The following WDPCP variants were observed in gnomAD, a reference collection of about 807,000 sequenced individuals.
The protein encoded by WDPCP is WD repeat-containing and planar cell polarity effector protein fritz homolog.
WDPCP carries 71 observed loss-of-function variants against 93.1 expected under a neutral mutation model. The ratio of observed to expected loss-of-function variants is 0.76; its 90% CI spans 0.63 to 0.93. The LOEUF (loss-of-function observed/expected upper bound fraction) is 0.93, where lower values mean the gene tolerates loss of function less well. Among genes scored for constraint, WDPCP ranks in the 40% least tolerant of loss-of-function variants. The pLI, the probability that WDPCP is intolerant of heterozygous loss-of-function variation, is 0.00. For synonymous variants in WDPCP, 315 were observed against 315.0 expected (o/e 1.00, Z 0.00); for missense variants, 844 against 887.4 (o/e 0.95, Z 0.62).
rs189978695 is a variant in WDPCP at position 63,552,750 on chromosome 2, A to G, written c.75+35447T>C. ...AAAAAAGCTATAAATCACTTAATAC[A>G]GAGAAATCATTAGGGACCAGCAGTG... On this transcript the variant is annotated intron_variant, in intron 1 of 17. Coordinates refer to ENST00000272321, the MANE Select transcript of WDPCP (RefSeq NM_015910.7). Among the ~76,000 whole-genome samples, 775 of 152,390 alleles carry G rather than the reference A, an allele frequency of 5.1e-3. 5 individuals carry two copies. Among genetic ancestry groups the G allele is most frequent in the African/African-American group, 6.8e-3 (284 of 41,596 alleles).
chr2:63,680,710 G>A (rs1034155803), intron 2 of WDPCP, among the ~76,000 whole-genome samples: 1 of 152,176 alleles, frequency 6.6e-6, no homozygotes, highest in Non-Finnish European at 1.5e-5. Context: ...ACCAGCTGGG[G>A]TGGCTAAAAA....
chr2:63,510,351 T>C (rs1189747199), intron 1 of WDPCP, among the ~76,000 whole-genome samples: 1 of 152,190 alleles, frequency 6.6e-6, no homozygotes, highest in African/African-American at 2.4e-5. Context: ...TCTCAATAGA[T>C]GCAGAAAAGG....
intron 10 of WDPCP, among the ~76,000 whole-genome samples, chr2:63,388,803 T>C (rs537941879): frequency 2.6e-5 from 4 of 152,144 alleles, no homozygotes; most frequent in African/African-American, 4.8e-5. Flanking sequence ...GTATTGGTGA[T>C]TGAAGATTAA....
At chr2:63,691,303 G>T (rs1278544315) in intron 2 of WDPCP, among the ~76,000 whole-genome samples, 1 of 152,178 alleles carries the variant, frequency 6.6e-6, no homozygotes, top group African/African-American at 2.4e-5. Context: ...ATATAAGGAC[G>T]CCTCCCCTGA....
chr2:63,721,982 C>T (rs1300459121), intron 2 of WDPCP, among the ~76,000 whole-genome samples: 2 of 151,938 alleles, frequency 1.3e-5, no homozygotes, highest in Admixed American at 6.5e-5. Context: ...CCACCAGCCT[C>T]GGCCTCCCGA....
rs937664946 is a variant in WDPCP, at chr2:63,120,435, C to A, written c.*1571G>T. On this transcript the variant is annotated 3_prime_UTR_variant, in exon 18 of 18. Coordinates refer to ENST00000272321, the MANE Select transcript of WDPCP (RefSeq NM_015910.7). ...AATTTGAAGTATAAAAGCCTTCAGT[C>A]TGATTAACTTTGAACTCTAAGATTT... Among the ~76,000 whole-genome samples, 2 of 151,054 alleles carry A rather than the reference C, an allele frequency of 1.3e-5. No homozygotes were observed. Among genetic ancestry groups the A allele is most frequent in the Non-Finnish European group, 2.9e-5 (2 of 67,912 alleles).
chr2:63,514,384 T>C (rs1359392734), intron 1 of WDPCP, among the ~76,000 whole-genome samples: 2 of 152,192 alleles, frequency 1.3e-5, no homozygotes, highest in African/African-American at 4.8e-5. Context: ...CTTTAATGTC[T>C]TGGTGAGCAT....
chr2:63,771,241 T>G (rs1670221915), intron 2 of WDPCP, among the ~76,000 whole-genome samples: 1 of 151,664 alleles, frequency 6.6e-6, no homozygotes, highest in South Asian at 2.1e-4. Flanking sequence ...TCAATGGACA[T>G]TAAAAAATAA....
At chr2:63,831,708 A>G (rs1333367037), upstream of WDPCP, among the ~76,000 whole-genome samples, 1 of 152,168 alleles carries the variant, frequency 6.6e-6, no homozygotes, top group Middle Eastern at 3.2e-3. Flanking sequence ...TATAGTGAAT[A>G]TCAAAAGCAA....
chr2:63,751,864 T>C (rs1669888476), intron 2 of WDPCP: 2 of 678,886 alleles, frequency 2.9e-6, no homozygotes, highest in Admixed American at 3.6e-5. Context: ...GCCAAAAGCA[T>C]TGTAGCTTCC....
chr2:63,122,011 C>T lies in WDPCP; in HGVS notation c.2236G>A (p.Val746Met). The stretch of plus-strand genomic sequence containing the variant: ...TTTTCTTTTTTTCTTAATGTTTACA[C>T]CAGACCAAAGTGAATCATTTTGAGA... Reference protein sequence around the residue: ...GSLKMIHFGLV With the variant: ...GSLKMIHFGLM Residue 746 changes from valine (V) to methionine (M), a missense_variant, in exon 18 of 18, where the codon GTG becomes ATG. Coordinates refer to ENST00000272321, the MANE Select transcript of WDPCP (RefSeq NM_015910.7). 3 of 1,613,274 alleles carry T rather than the reference C, an allele frequency of 1.9e-6. No homozygotes were observed. The highest frequency in any genetic ancestry group is 2.5e-6 in the Non-Finnish European group (3 of 1,179,658).
intron 1 of WDPCP, among the ~76,000 whole-genome samples, chr2:63,571,064 C>A (rs12463603): frequency 0.21 from 26,011 of 122,904 alleles, 2,950 homozygotes; most frequent in Non-Finnish European, 0.25. Context: ...GCCACTAGGT[C>A]CAGCTAATTT....
At chr2:63,571,354 T>TATATTTACC in intron 1 of WDPCP, 1 of 452,660 alleles carries the variant, frequency 2.2e-6, no homozygotes, top group Non-Finnish European at 4.4e-6. Flanking sequence ...GAGAAATAAA[T>TATATTTACC]ATATTTACCC....
chr2:63,754,362 A>G (rs1398140937), intron 2 of WDPCP, among the ~76,000 whole-genome samples: 1 of 152,246 alleles, frequency 6.6e-6, no homozygotes, highest in Non-Finnish European at 1.5e-5. Flanking sequence ...GTAAACATAG[A>G]GTCCTAGGCA....
intron 17 of WDPCP, among the ~76,000 whole-genome samples, chr2:63,149,372 T>A: frequency 6.6e-6 from 1 of 152,186 alleles, no homozygotes; most frequent in Non-Finnish European, 1.5e-5. Flanking sequence ...TGTTTAAGTA[T>A]TAGCAAGATG....
chr2:63,482,719 T>G (rs943487721), intron 6 of WDPCP, among the ~76,000 whole-genome samples: 2 of 151,950 alleles, frequency 1.3e-5, no homozygotes, highest in Non-Finnish European at 2.9e-5. Flanking sequence ...AACCTAGACC[T>G]GTGGGCAGGG....
intron 6 of WDPCP, among the ~76,000 whole-genome samples, chr2:63,478,986 T>A (rs1700118394): frequency 6.7e-6 from 1 of 149,168 alleles, no homozygotes; most frequent in Non-Finnish European, 1.5e-5. Flanking sequence ...CAAAATAAGT[T>A]CAAAACGGGA....
intron 14 of WDPCP, among the ~76,000 whole-genome samples, chr2:63,240,903 C>G (rs1679810309): frequency 6.6e-6 from 1 of 151,972 alleles, no homozygotes; most frequent in Non-Finnish European, 1.5e-5. Context: ...TAGGTAAGTT[C>G]TGAAGAGTTG....
intron 14 of WDPCP, among the ~76,000 whole-genome samples, chr2:63,219,046 G>A (rs188047727): frequency 6.6e-6 from 1 of 152,262 alleles, no homozygotes. Flanking sequence ...TAATTATGAT[G>A]TTTAAATATA....
Sources: gnomAD v4.1 joint callset for allele counts (sites outside exome capture counted in the v4.1 genomes callset) on GRCh38, gnomAD v4.1.1 for gene constraint, MANE v1.5 for transcripts, NCBI Gene and HGNC (gene_info 2026-07-23, HGNC 2026-07-21) for gene names.